RNPEPL1: variants seen among roughly 807,000 people sequenced by gnomAD.
The protein encoded by RNPEPL1 is aminopeptidase RNPEPL1.
In RNPEPL1, 46 loss-of-function variants were observed where a neutral mutation model predicts 69.0. The ratio of observed to expected loss-of-function variants is 0.67; its 90% CI spans 0.53 to 0.85. The LOEUF is 0.85. RNPEPL1 is among the 40% of genes least tolerant of loss of function. RNPEPL1 has a pLI of 0.00. For missense variants in RNPEPL1, 869 were observed against 992.5 expected (o/e 0.88, Z 1.67); for synonymous variants, 525 against 454.1 (o/e 1.16, Z -1.98).
chr2:240,577,751 C>T lies in RNPEPL1; in HGVS notation c.2037C>T (p.Ser679=). Residue 679 remains serine (S), a synonymous_variant, in exon 11 of 11, where the codon TCC becomes TCT. Transcript: ENST00000270357. ...AGATCCTGTCCCAGGGCCTGGGCTC[C>T]AGCACAGAGCCCGCCTCAGAGCCCA... ...IQQILSQGLG[S]STEPASEPST... The T allele has an allele frequency of 6.2e-7, 1 of 1,612,280 alleles. No homozygotes were observed. The highest frequency in any genetic ancestry group is 8.5e-7 in the Non-Finnish European group (1 of 1,179,608).
intron 10 of RNPEPL1, among the ~76,000 whole-genome samples, chr2:240,577,260 C>A (rs2093040460): frequency 1.3e-5 from 2 of 152,186 alleles, no homozygotes; most frequent in Admixed American, 1.3e-4. Context: ...GCCTGCTGGG[C>A]CCTGGGCCTT....
rs1366696559 is a variant in RNPEPL1 at position 240,579,382 on chromosome 2, T to C, written c.*1490T>C. ...CCCTCCCCTCCCAAGGACATATGAG[T>C]CCCCTCCAGTGGCGGTGGCAACTCT... On this transcript the variant is annotated 3_prime_UTR_variant, in exon 11 of 11. Coordinates refer to ENST00000270357, the MANE Select transcript of RNPEPL1 (RefSeq NM_018226.6). 1.3e-5 allele frequency: 2 copies of C among 149,238 alleles called. No homozygotes were observed. Among genetic ancestry groups the C allele is most frequent in the African/African-American group, 5.0e-5 (2 of 40,012 alleles). 9.2% of individuals were successfully genotyped at this position (149,238 alleles called of 1,614,324 possible).
chr2:240,576,421 T>TG, intron 8 of RNPEPL1, 114 bp from the exon 9 acceptor site: 4 of 1,022,338 alleles, frequency 3.9e-6, no homozygotes, highest in Non-Finnish European at 4.2e-6. Flanking sequence ...CCCACGTCCC[T>TG]GGAACAGGCC....
rs2093046325 is a variant in RNPEPL1 at position 240,579,007 on chromosome 2, G to A, written c.*1115G>A. On this transcript the variant is annotated 3_prime_UTR_variant, in exon 11 of 11. Transcript: ENST00000270357. ...CTTAAGCCAAATCCCGGCCTCAGTG[G>A]TGATCCTTTCCCAAGATGGGTACAA... is the stretch of plus-strand genomic sequence containing the variant. The A allele has an allele frequency of 6.6e-6, 1 of 152,278 alleles. No homozygotes were observed. The highest frequency in any genetic ancestry group is 1.5e-5 in the Non-Finnish European group (1 of 68,052). 9.4% of individuals were successfully genotyped at this position (152,278 alleles called of 1,614,324 possible).
intron 10 of RNPEPL1, 142 bp from the exon 11 acceptor site, chr2:240,577,457 C>T (rs2093040936): frequency 1.1e-6 from 1 of 926,768 alleles, no homozygotes; most frequent in Admixed American, 2.7e-5. Context: ...GGTAGGCCTC[C>T]TGGCCACCGG....
At chr2:240,576,076 G>A (rs556157031) in intron 8 of RNPEPL1, 16 of 258,652 alleles carry the variant, frequency 6.2e-5, no homozygotes, top group Non-Finnish European at 1.2e-4. Context: ...TGGGAGGGCT[G>A]TGCATGGTGA....
intron 8 of RNPEPL1, 108 bp downstream of exon 8, chr2:240,575,718 A>G (rs539336061): frequency 1.7e-5 from 14 of 820,974 alleles, no homozygotes; most frequent in African/African-American, 1.5e-4. Context: ...CTGTCAGTTC[A>G]CTGTCTGTCC....
Position 240,568,773 on chromosome 2 carries a change from C to T in RNPEPL1, c.187C>T (p.Leu63Phe). The change falls in exon 1 of 11, where the codon CTC becomes TTC. Residue 63 changes from leucine (L) to phenylalanine (F), a missense_variant. Coordinates refer to ENST00000270357, the MANE Select transcript of RNPEPL1 (RefSeq NM_018226.6). This position sits in a 1 kb window ranked among gnomAD's most constrained non-coding sequence, Gnocchi z 6.2. ...EARELAGCLVLELCALRPAPR... is the reference protein window; with the variant it reads ...EARELAGCLVFELCALRPAPR... ...GCGCGAGTTGGCCGGCTGCCTGGTG[C>T]TCGAGCTGTGCGCGCTGCGGCCCGC... 9.3e-7 allele frequency: 1 copy of T among 1,075,738 alleles called. No individual in the cohort carries two copies. The highest frequency in any genetic ancestry group is 1.1e-6 in the Non-Finnish European group (1 of 887,248). 66.6% of individuals were successfully genotyped at this position (1,075,738 alleles called of 1,614,324 possible).
Position 240,568,777 on chromosome 2 carries a change from A to C in RNPEPL1, c.191A>C (p.Glu64Ala). 2 of 1,074,048 alleles carry C rather than the reference A, an allele frequency of 1.9e-6. No individual in the cohort carries two copies. The highest frequency in any genetic ancestry group is 2.3e-6 in the Non-Finnish European group (2 of 887,128). 66.5% of individuals were successfully genotyped at this position (1,074,048 alleles called of 1,614,324 possible). The change falls in exon 1 of 11, where the codon GAG becomes GCG. Residue 64 changes from glutamate to alanine, a missense_variant. Around this residue, in one of 2 missense-constraint regions of RNPEPL1, gnomAD observed 259 missense variants for 201.5 expected, o/e 1.29. Transcript: ENST00000270357. This position sits in a 1 kb window ranked among gnomAD's most constrained non-coding sequence, Gnocchi z 6.2. ...GAGTTGGCCGGCTGCCTGGTGCTCG[A>C]GCTGTGCGCGCTGCGGCCCGCGCCC... ...ARELAGCLVLELCALRPAPRA... is the reference protein window; with the variant it reads ...ARELAGCLVLALCALRPAPRA...
At chr2:240,570,450 C>T (rs1211443415) in intron 1 of RNPEPL1, among the ~76,000 whole-genome samples, 1 of 152,220 alleles carries the variant, frequency 6.6e-6, no homozygotes, top group Admixed American at 6.5e-5. Context: ...GCAGAGTATT[C>T]GACTCTAACC....
Position 240,572,554 on chromosome 2 carries a change from C to T in RNPEPL1, c.660C>T (p.Ala220=), listed in dbSNP as rs773533622. 205 of 1,536,030 alleles carry T rather than the reference C, an allele frequency of 1.3e-4. No individual in the cohort carries two copies. Among genetic ancestry groups the T allele is most frequent in the Middle Eastern group, 1.7e-4 (1 of 6,012 alleles). The change falls in exon 2 of 11, where the codon GCC becomes GCT. Residue 220 remains alanine (A), a synonymous_variant. Coordinates refer to ENST00000270357, the MANE Select transcript of RNPEPL1 (RefSeq NM_018226.6). ...DTPAVKCTYS[A]VVKAPSGVQV... is the part of the protein sequence containing the mutation. Reference sequence around the variant, plus strand: ...CTGCCGTGAAGTGCACCTACTCTGCCGTCGTCAAGGTCAGGGGCCGCCAGC... The same window carrying T: ...CTGCCGTGAAGTGCACCTACTCTGCTGTCGTCAAGGTCAGGGGCCGCCAGC...
At position 240,573,856 on chromosome 2, in the gene RNPEPL1, A is replaced by C. The variant is rs1254009664; in HGVS notation, c.903A>C (p.Ala301=). 3 of 1,563,612 alleles carry C rather than the reference A, an allele frequency of 1.9e-6. No individual in the cohort carries two copies. The highest frequency in any genetic ancestry group is 2.4e-5 in the East Asian group (1 of 41,820). Residue 301 remains alanine, a synonymous_variant, in exon 4 of 11, where the codon GCA becomes GCC. Coordinates refer to ENST00000270357, the MANE Select transcript of RNPEPL1 (RefSeq NM_018226.6). ...LSGAVEQWLS[A]AERLYGPYMW... is the part of the protein sequence containing the mutation. ...GCGCAGTGGAGCAGTGGCTGAGTGCAGCTGAGCGGCTGTATGGGCCCTACA... is the reference window on the plus strand; with the variant it reads ...GCGCAGTGGAGCAGTGGCTGAGTGCCGCTGAGCGGCTGTATGGGCCCTACA...
chr2:240,574,282 GA>G lies in RNPEPL1; in HGVS notation c.1110del (p.Glu371ArgfsTer4). On this transcript the variant is annotated frameshift_variant, in exon 5 of 11. Transcript: ENST00000270357. LOFTEE classifies it high-confidence loss of function. ...CAACGCTGTCACCAACGCCACGTGG[GA>G]AGAGATGTGGCTGAGCGAGGGCCTG... is the stretch of plus-strand genomic sequence containing the variant. ...FGNAVTNATW[E>X]EMWLSEGLAT... The G allele has an allele frequency of 6.2e-7, 1 of 1,610,788 alleles. No homozygotes were observed. Among genetic ancestry groups the G allele is most frequent in the Non-Finnish European group, 8.5e-7 (1 of 1,179,914 alleles).
Position 240,577,594 on chromosome 2 carries a change from T to G in RNPEPL1, c.1885-5T>G, listed in dbSNP as rs772603058. On this transcript the variant is annotated splice_region_variant and splice_polypyrimidine_tract_variant and intron_variant, in intron 10 of 10. Coordinates refer to ENST00000270357, the MANE Select transcript of RNPEPL1 (RefSeq NM_018226.6). The stretch of plus-strand genomic sequence containing the variant: ...CACCAGTGTGACCGAGTGCCCCTCC[T>G]GCAGATGTCACGCATGTACACCATC... 12 of 1,556,370 alleles carry G rather than the reference T, an allele frequency of 7.7e-6. No homozygotes were observed. Among genetic ancestry groups the G allele is most frequent in the South Asian group, 2.4e-5 (2 of 84,572 alleles).
At chr2:240,572,788 C>T (rs541160607) in intron 2 of RNPEPL1, among the ~76,000 whole-genome samples, 39 of 152,324 alleles carry the variant, frequency 2.6e-4, no homozygotes, top group East Asian at 7.7e-4. Flanking sequence ...GTCCTGGACC[C>T]GGGGTGAGTC....
chr2:240,576,892 T>G lies in RNPEPL1; in HGVS notation c.1786T>G (p.Ser596Ala). 6.2e-7 allele frequency: 1 copy of G among 1,613,408 alleles called. No individual in the cohort carries two copies. Among genetic ancestry groups the G allele is most frequent in the Non-Finnish European group, 8.5e-7 (1 of 1,179,976 alleles). ...CAAGTGCTACTCCTCCCTGCTGGAC[T>G]CGATGAACGCTGAGATCCGCATCCG... Reference protein sequence around the residue: ...LSKCYSSLLDSMNAEIRIRWL... With the variant: ...LSKCYSSLLDAMNAEIRIRWL... Residue 596 changes from serine (S) to alanine (A), a missense_variant, in exon 10 of 11, where the codon TCG becomes GCG. Transcript: ENST00000270357.
intron 1 of RNPEPL1, among the ~76,000 whole-genome samples, chr2:240,569,579 C>T (rs1348453715): frequency 3.9e-5 from 6 of 152,200 alleles, no homozygotes; most frequent in Non-Finnish European, 8.8e-5. Flanking sequence ...CAGTGGGCCC[C>T]GCGACCCCAA....
rs1383273207 is a variant in RNPEPL1 at position 240,577,735 on chromosome 2, C to T, written c.2021C>T (p.Ser674Phe). ...CGCAGAGCCATCCAGCAGATCCTGTCCCAGGGCCTGGGCTCCAGCACAGAG... is the reference window on the plus strand; with the variant it reads ...CGCAGAGCCATCCAGCAGATCCTGTTCCAGGGCCTGGGCTCCAGCACAGAG... ...NLRRAIQQIL[S>F]QGLGSSTEPA... Residue 674 changes from serine (S) to phenylalanine (F), a missense_variant, in exon 11 of 11, where the codon TCC (serine) becomes TTC (phenylalanine). By Grantham distance (155) the Ser-to-Phe change is radical. Transcript: ENST00000270357. The T allele has an allele frequency of 1.2e-6, 2 of 1,612,564 alleles. No individual in the cohort carries two copies. Among genetic ancestry groups the T allele is most frequent in the Non-Finnish European group, 1.7e-6 (2 of 1,179,700 alleles).
At position 240,576,522 on chromosome 2, in the gene RNPEPL1, T is replaced by C. The variant is rs2093038062; in HGVS notation, c.1511-13T>C. On this transcript the variant is annotated splice_polypyrimidine_tract_variant and intron_variant, in intron 8 of 10. Coordinates refer to ENST00000270357, the MANE Select transcript of RNPEPL1 (RefSeq NM_018226.6). ...GCCTGGGCAGGGACCCCAGGGTCAC[T>C]TCTCCCCTCTAGGGCTGGAATTCGA... 1.2e-6 allele frequency: 2 copies of C among 1,603,770 alleles called. No individual in the cohort carries two copies. The highest frequency in any genetic ancestry group is 1.7e-6 in the Non-Finnish European group (2 of 1,175,520).
Sources: allele counts gnomAD v4.1 joint callset (sites outside exome capture counted in the v4.1 genomes callset), GRCh38; gene constraint gnomAD v4.1.1; regional missense constraint gnomAD v4.1.1; non-coding constraint Gnocchi (gnomAD v3.1); transcripts MANE v1.5; gene names NCBI Gene and HGNC (gene_info 2026-07-23, HGNC 2026-07-21).